Variants in BMPR1B observed in about 807,000 individuals in gnomAD.
BMPR1B encodes the protein bone morphogenetic protein receptor type 1B.
In BMPR1B, 12 loss-of-function variants were observed where a neutral mutation model predicts 59.1. That is an observed-to-expected ratio of 0.20 (90% CI 0.13 to 0.33). The LOEUF is 0.33. Ranked by LOEUF, BMPR1B falls within the 10% of genes least tolerant of loss-of-function variation. The pLI is 1.00. For missense variants in BMPR1B, 550 were observed against 610.9 expected, an observed-to-expected ratio of 0.90 and a Z score of 1.05; for synonymous variants, 237 against 207.3, an observed-to-expected ratio of 1.14 and a Z score of -1.23.
At chr4:94,975,370 T>G (rs967978555) in intron 2 of BMPR1B, among the ~76,000 whole-genome samples, 9 of 144,902 alleles carry the variant, frequency 6.2e-5, no homozygotes, top group Admixed American at 2.1e-4. Context: ...TTTGTTTTTT[T>G]TTTTTTTTTT....
intron 1 of BMPR1B, among the ~76,000 whole-genome samples, chr4:94,771,351 G>T (rs903297693): frequency 7.9e-5 from 12 of 152,174 alleles, no homozygotes; most frequent in African/African-American, 2.9e-4. Context: ...GTCTGTTAGA[G>T]CCAGATATTA....
rs139785853 is a variant in BMPR1B, at chr4:94,967,103, AGTT to A, written c.-112-28931_-112-28929del. On this transcript the variant is annotated intron_variant, in intron 2 of 12. Transcript: ENST00000515059. ...GGAATTTATGACAAAATATATCCAA[AGTT>A]GTTGTATATTCAAGTTTTCTAAGTT... Among the ~76,000 whole-genome samples the A allele has an allele frequency of 3.7e-3, 564 of 152,334 alleles. 1 individual carries two copies. Among genetic ancestry groups the A allele is most frequent in the African/African-American group, 0.013 (541 of 41,576 alleles).
intron 2 of BMPR1B, among the ~76,000 whole-genome samples, chr4:94,892,676 A>T (rs1465573372): frequency 6.6e-6 from 1 of 152,060 alleles, no homozygotes; most frequent in Admixed American, 6.6e-5. Flanking sequence ...ACCTTTAAAG[A>T]CCCACAAGCA....
chr4:95,137,200 G>T (rs577253135), intron 10 of BMPR1B, among the ~76,000 whole-genome samples: 26 of 152,036 alleles, frequency 1.7e-4, no homozygotes, highest in African/African-American at 6.0e-4. Flanking sequence ...AGGTTCAGTT[G>T]CCATGTAGTT....
chr4:95,044,733 G>A (rs148927531), intron 3 of BMPR1B, among the ~76,000 whole-genome samples: 222 of 152,254 alleles, frequency 1.5e-3, no homozygotes, highest in Middle Eastern at 6.8e-3. Flanking sequence ...GCTTTGGGTT[G>A]TTAATGACTA....
chr4:94,935,696 C>G (rs577856003), intron 2 of BMPR1B, among the ~76,000 whole-genome samples: 3 of 152,270 alleles, frequency 2.0e-5, no homozygotes, highest in Admixed American at 2.0e-4. Flanking sequence ...ATATGGTAGC[C>G]TTTGGGTAGA....
intron 2 of BMPR1B, among the ~76,000 whole-genome samples, chr4:94,923,733 G>A (rs73838607): frequency 0.018 from 2,744 of 152,190 alleles, 91 homozygotes; most frequent in African/African-American, 0.062. Flanking sequence ...GAAATAGTGG[G>A]AAGAGAGGGG....
At position 95,058,428 on chromosome 4, in the gene BMPR1B, G is replaced by A. The variant is rs534851825; in HGVS notation, c.-17-45980G>A. On this transcript the variant is annotated intron_variant, in intron 3 of 12. Transcript: ENST00000515059. ...CCATAGTCATATTGGTGTCTTCACAGTTTTAATGGGAGTTTTACATATAAG... is the reference window on the plus strand; with the variant it reads ...CCATAGTCATATTGGTGTCTTCACAATTTTAATGGGAGTTTTACATATAAG... Among the ~76,000 whole-genome samples the A allele has an allele frequency of 7.2e-5, 11 of 152,288 alleles. No homozygotes were observed. The East Asian group carries it at 2.1e-3, about 29-fold the overall frequency.
At chr4:94,829,417 G>A (rs886470555) in intron 1 of BMPR1B, among the ~76,000 whole-genome samples, 1 of 151,184 alleles carries the variant, frequency 6.6e-6, no homozygotes, top group Non-Finnish European at 1.5e-5. Flanking sequence ...GGGATTACAG[G>A]CACACGCCAC....
At chr4:95,040,704 T>G (rs968765602) in intron 3 of BMPR1B, among the ~76,000 whole-genome samples, 5 of 152,182 alleles carry the variant, frequency 3.3e-5, no homozygotes, top group Admixed American at 6.5e-5. Context: ...TGTGAATAAT[T>G]ACAATGTCAG....
intron 7 of BMPR1B, among the ~76,000 whole-genome samples, chr4:95,124,472 GATTA>G (rs989489986): frequency 7.9e-5 from 12 of 151,874 alleles, no homozygotes; most frequent in Admixed American, 5.9e-4. Context: ...CAAATGGTCA[GATTA>G]ATTGATTCAA....
chr4:94,841,549 C>G (rs1459465962), intron 1 of BMPR1B, among the ~76,000 whole-genome samples: 1 of 151,852 alleles, frequency 6.6e-6, no homozygotes, highest in Non-Finnish European at 1.5e-5. Flanking sequence ...TCACCCCTTT[C>G]TTTGACTAGG....
At chr4:94,766,209 G>T (rs950208503) in intron 1 of BMPR1B, among the ~76,000 whole-genome samples, 2 of 152,054 alleles carry the variant, frequency 1.3e-5, no homozygotes, top group African/African-American at 4.8e-5. Flanking sequence ...AGTGGTATTT[G>T]ATCATGGGAC....
chr4:94,852,619 C>T (rs1466637103), intron 1 of BMPR1B, among the ~76,000 whole-genome samples: 1 of 152,034 alleles, frequency 6.6e-6, no homozygotes, highest in Non-Finnish European at 1.5e-5. Context: ...GAAAATTAAT[C>T]AGTAGCATTT....
chr4:94,977,995 A>G (rs1426839318), intron 2 of BMPR1B, among the ~76,000 whole-genome samples: 1 of 152,172 alleles, frequency 6.6e-6, no homozygotes, highest in Non-Finnish European at 1.5e-5. Context: ...CTAGTACATA[A>G]CAAGAATCTC....
intron 1 of BMPR1B, among the ~76,000 whole-genome samples, chr4:94,790,851 T>G (rs1722957754): frequency 6.6e-6 from 1 of 152,206 alleles, no homozygotes; most frequent in Non-Finnish European, 1.5e-5. Flanking sequence ...CTTTGTAGTT[T>G]GCATGACATC....
In BMPR1B at chr4:95,131,298, T is replaced by C. The variant is rs746544755; in HGVS notation, c.862T>C (p.Tyr288His). 5.6e-6 allele frequency: 9 copies of C among 1,614,018 alleles called. No individual in the cohort carries two copies. Among genetic ancestry groups the C allele is most frequent in the Non-Finnish European group, 7.6e-6 (9 of 1,179,974 alleles). ...AGACTATCATGAAAATGGTTCCCTT[T>C]ATGATTATCTGAAGTCCACCACCCT... ...ITDYHENGSL[Y>H]DYLKSTTLDA... is the part of the protein sequence containing the mutation. The change falls in exon 10 of 13, where the codon TAT becomes CAT. Residue 288 changes from tyrosine (Y) to histidine (H), a missense_variant. Coordinates refer to ENST00000515059, the MANE Select transcript of BMPR1B (RefSeq NM_001203.3).
At chr4:94,936,317 C>T (rs944494098) in intron 2 of BMPR1B, among the ~76,000 whole-genome samples, 6 of 152,122 alleles carry the variant, frequency 3.9e-5, no homozygotes, top group East Asian at 1.9e-4. Context: ...ATTTGAATTT[C>T]GTGGGACAGA....
At chr4:95,109,278 A>T (rs1342160679) in intron 4 of BMPR1B, among the ~76,000 whole-genome samples, 1 of 152,144 alleles carries the variant, frequency 6.6e-6, no homozygotes, top group African/African-American at 2.4e-5. Context: ...ATCAAATTGA[A>T]TGTTTGCACA....
Sources: allele counts gnomAD v4.1 joint callset (sites outside exome capture counted in the v4.1 genomes callset), GRCh38; gene constraint gnomAD v4.1.1; transcripts MANE v1.5; gene names NCBI Gene and HGNC (gene_info 2026-07-23, HGNC 2026-07-21).